The following DIAPH3 variants were observed in gnomAD, a reference collection of about 807,000 sequenced individuals.
The protein encoded by DIAPH3 is protein diaphanous homolog 3.
DIAPH3 carries 117 observed loss-of-function variants against 144.3 expected under a neutral mutation model. The observed-to-expected ratio is 0.81, with a 90% confidence interval of 0.70 to 0.95. DIAPH3 has a LOEUF of 0.95. Ranked by LOEUF, DIAPH3 falls within the 40% of genes least tolerant of loss-of-function variation. The pLI, the probability that DIAPH3 is intolerant of heterozygous loss-of-function variation, is 0.00. For synonymous variants in DIAPH3, 519 were observed against 488.9 expected (o/e 1.06, Z -0.81); for missense variants, 1,421 against 1,412.7 (o/e 1.01, Z -0.09).
At chr13:59,919,374 T>A (rs1196688925) in intron 18 of DIAPH3, among the ~76,000 whole-genome samples, 1 of 151,810 alleles carries the variant, frequency 6.6e-6, no homozygotes, top group Non-Finnish European at 1.5e-5. Context: ...AATCAAACTG[T>A]CAAAGATCAA....
At chr13:60,026,566 T>C (rs964393725) in intron 5 of DIAPH3, among the ~76,000 whole-genome samples, 1 of 152,074 alleles carries the variant, frequency 6.6e-6, no homozygotes, top group African/African-American at 2.4e-5. Context: ...CTGGGCTCCA[T>C]ATGAAATGTC....
chr13:59,910,671 G>A (rs919230035), intron 20 of DIAPH3, among the ~76,000 whole-genome samples: 7 of 151,460 alleles, frequency 4.6e-5, no homozygotes, highest in African/African-American at 1.5e-4. Context: ...GCAGGTTTTG[G>A]TGAGTCGAGA....
intron 27 of DIAPH3, among the ~76,000 whole-genome samples, chr13:59,708,531 C>G (rs2034553179): frequency 6.6e-6 from 1 of 152,186 alleles, no homozygotes; most frequent in Non-Finnish European, 1.5e-5. Flanking sequence ...AGTTGTCACT[C>G]TCTGCTACCT....
chr13:59,838,322 G>A (rs1452280330), intron 23 of DIAPH3: 1 of 151,986 alleles, frequency 6.6e-6, no homozygotes, highest in Non-Finnish European at 1.5e-5. Flanking sequence ...AAGCTACAAA[G>A]TTAGTGATAA....
chr13:59,771,854 AGTG>A (rs2038140231), intron 27 of DIAPH3, among the ~76,000 whole-genome samples: 2 of 152,148 alleles, frequency 1.3e-5, no homozygotes, highest in Admixed American at 6.6e-5. Flanking sequence ...TATTCATCAT[AGTG>A]CTTGGCATTT....
In DIAPH3 at chr13:60,016,057, T is replaced by C. The variant is rs1018933969; in HGVS notation, c.701+14A>G. 3 of 1,611,294 alleles carry C rather than the reference T, an allele frequency of 1.9e-6. No individual in the cohort carries two copies. The African/African-American group carries it at 4.0e-5, about 22-fold the overall frequency. ...AATGATGCTTACTTGAAAATAATTA[T>C]TAGCAATACTTACATTTTTCCACTA... On this transcript the variant is annotated intron_variant, in intron 6 of 27. Coordinates refer to ENST00000400324, the MANE Select transcript of DIAPH3 (RefSeq NM_001042517.2).
intron 27 of DIAPH3, among the ~76,000 whole-genome samples, chr13:59,682,323 T>G (rs544619067): frequency 3.3e-4 from 50 of 152,314 alleles, no homozygotes; most frequent in African/African-American, 9.9e-4. Context: ...GCTCTATTAT[T>G]TATTTAATAA....
At chr13:59,843,603 T>TC (rs2094936997) in intron 22 of DIAPH3, among the ~76,000 whole-genome samples, 1 of 152,196 alleles carries the variant, frequency 6.6e-6, no homozygotes. Flanking sequence ...CAAGCTATCT[T>TC]CAAAAAAATA....
chr13:60,018,343 T>C (rs1253158541), intron 5 of DIAPH3, among the ~76,000 whole-genome samples: 1 of 152,184 alleles, frequency 6.6e-6, no homozygotes, highest in African/African-American at 2.4e-5. Flanking sequence ...ACAAAAAGAC[T>C]TTGTTACACT....
intron 27 of DIAPH3, among the ~76,000 whole-genome samples, chr13:59,735,946 T>C (rs1008052057): frequency 6.6e-6 from 1 of 152,128 alleles, no homozygotes; most frequent in African/African-American, 2.4e-5. Flanking sequence ...CCTACCACCC[T>C]GAACCCTCTG....
chr13:59,862,299 T>C (rs1673915961), intron 21 of DIAPH3, among the ~76,000 whole-genome samples: 2 of 152,052 alleles, frequency 1.3e-5, no homozygotes, highest in Non-Finnish European at 1.5e-5. Flanking sequence ...TGGCATGCAA[T>C]GGAAGTAGGA....
At chr13:59,836,377 GT>G (rs1386861969) in intron 23 of DIAPH3, among the ~76,000 whole-genome samples, 22 of 151,698 alleles carry the variant, frequency 1.5e-4, no homozygotes, top group Admixed American at 4.6e-4. Context: ...ATTGAATTTG[GT>G]TTCACATTTT....
chr13:59,839,839 G>A (rs1773400950), intron 22 of DIAPH3, among the ~76,000 whole-genome samples: 1 of 152,108 alleles, frequency 6.6e-6, no homozygotes, highest in Admixed American at 6.6e-5. Flanking sequence ...CTCTTGACAG[G>A]GAACAGTGAG....
intron 17 of DIAPH3, among the ~76,000 whole-genome samples, chr13:59,928,061 C>T (rs937521553): frequency 1.3e-5 from 2 of 152,058 alleles, no homozygotes; most frequent in African/African-American, 4.8e-5. Context: ...GTCACGCAGA[C>T]TTTTTAAATC....
intron 17 of DIAPH3, among the ~76,000 whole-genome samples, chr13:59,946,573 A>G (rs577165856): frequency 3.9e-5 from 6 of 152,326 alleles, no homozygotes; most frequent in Middle Eastern, 3.4e-3. Flanking sequence ...GCACACAAAT[A>G]AACAAATGCT....
intron 4 of DIAPH3, among the ~76,000 whole-genome samples, chr13:60,077,199 T>TA (rs530882162): frequency 1.3e-4 from 20 of 148,370 alleles, no homozygotes; most frequent in East Asian, 3.9e-4. Context: ...CTTTGTGTCC[T>TA]AAAAAAAAAA....
intron 5 of DIAPH3, among the ~76,000 whole-genome samples, chr13:60,021,373 C>G (rs907894232): frequency 7.9e-5 from 12 of 152,138 alleles, no homozygotes; most frequent in African/African-American, 2.9e-4. Flanking sequence ...GCCTGTAATC[C>G]CAACACTTTG....
At chr13:60,031,729 A>AAT (rs1421641349) in intron 5 of DIAPH3, among the ~76,000 whole-genome samples, 2 of 112,872 alleles carry the variant, frequency 1.8e-5, no homozygotes, top group African/African-American at 7.0e-5. Flanking sequence ...GCAGTCATTA[A>AAT]ATCTTTTTTT....
chr13:59,902,756 A>G (rs967252376), intron 20 of DIAPH3, among the ~76,000 whole-genome samples: 3 of 152,238 alleles, frequency 2.0e-5, no homozygotes, highest in African/African-American at 7.2e-5. Flanking sequence ...AGCCTGGGCA[A>G]TGAAGTGAAA....
Sources: allele counts gnomAD v4.1 joint callset (sites outside exome capture counted in the v4.1 genomes callset), GRCh38; gene constraint gnomAD v4.1.1; transcripts MANE v1.5; gene names NCBI Gene and HGNC (gene_info 2026-07-23, HGNC 2026-07-21).